Variants in NCL observed in about 807,000 individuals in gnomAD.
NCL encodes the protein nucleolin multifunctional protein.
A neutral mutation model predicts 77.7 loss-of-function variants in NCL; 4 were observed. The ratio of observed to expected loss-of-function variants is 0.05; its 90% CI spans 0.03 to 0.12. The LOEUF (loss-of-function observed/expected upper bound fraction) is 0.12. Ranked by LOEUF, NCL falls within the 10% of genes least tolerant of loss-of-function variation. The pLI is 1.00. For synonymous variants in NCL, 344 were observed against 297.8 expected (o/e 1.16, Z -1.60); for missense variants, 763 against 860.9 (o/e 0.89, Z 1.42).
intron 10 of NCL, 39 bp from the exon 11 acceptor site, chr2:231,456,803 G>A (rs756355688): frequency 6.2e-7 from 1 of 1,610,532 alleles, no homozygotes; most frequent in Admixed American, 1.7e-5. Context: ...AAGTTACCAG[G>A]CACATGCTCC....
chr2:231,458,547 G>A (rs2046914971), intron 7 of NCL, 158 bp from the exon 8 acceptor site: 1 of 918,520 alleles, frequency 1.1e-6, no homozygotes, highest in Non-Finnish European at 1.6e-6. Context: ...ATATAGCAGT[G>A]TCAACACACA....
In NCL at chr2:231,461,875, G is replaced by C; in HGVS notation, c.278C>G (p.Pro93Arg). Residue 93 changes from proline to arginine, a missense_variant, in exon 3 of 14, where the codon CCT becomes CGT. Transcript: ENST00000322723. ...GGCTGGTGTAACTGTCTTCTTGGCAGGTGTTGCTGCTGCCTTTTTGCCTGG... is the reference window on the plus strand; with the variant it reads ...GGCTGGTGTAACTGTCTTCTTGGCACGTGTTGCTGCTGCCTTTTTGCCTGG... The part of the protein sequence containing the change: ...VTPGKKAAAT[P>R]AKKTVTPAKA... 1 of 1,614,196 alleles carries C rather than the reference G, an allele frequency of 6.2e-7. No individual in the cohort carries two copies.
chr2:231,464,094 C>A, intron 1 of NCL: 1 of 1,359,422 alleles, frequency 7.4e-7, no homozygotes, highest in Non-Finnish European at 9.5e-7. Context: ...CGCCCCCTCC[C>A]CGCGCTCAGT....
In NCL at chr2:231,459,144, G is replaced by C. The variant is rs572762953; in HGVS notation, c.1041-19C>G. The C allele has an allele frequency of 6.5e-7, 1 of 1,527,658 alleles. No homozygotes were observed. The highest frequency in any genetic ancestry group is 1.3e-5 in the South Asian group (1 of 77,278). 94.6% of individuals were successfully genotyped at this position (1,527,658 alleles called of 1,614,324 possible). A position where few individuals can be genotyped will look rare whatever the true frequency, so the allele number is the denominator to read the frequency against. ...AAATTTCCTTCAAGGTGGAGAGGAG[G>C]GCAAAATTACAACAGGTGAAAACAC... On this transcript the variant is annotated intron_variant, in intron 6 of 13. Transcript: ENST00000322723.
rs1172072805 is a variant in NCL, at chr2:231,461,573, C to G, written c.580G>C (p.Asp194His). ...TCATCGTCATCGTCATCCTCATCAT[C>G]TTCGTCATCCTCATCGTCCTCATCC... Reference protein sequence around the residue: ...SEDEDDEDDEDDEDDDDDEED... With the variant: ...SEDEDDEDDEHDEDDDDDEED... The change falls in exon 3 of 14, where the codon GAT becomes CAT. Residue 194 changes from aspartate to histidine, a missense_variant. Transcript: ENST00000322723. The G allele has an allele frequency of 6.2e-7, 1 of 1,613,352 alleles. No homozygotes were observed. Among genetic ancestry groups the G allele is most frequent in the South Asian group, 1.1e-5 (1 of 91,068 alleles).
chr2:231,456,400 G>C, intron 11 of NCL: 1 of 950,436 alleles, frequency 1.1e-6, no homozygotes, highest in South Asian at 1.3e-5. Context: ...CCAGTGGATG[G>C]GGCAGGAAAT....
chr2:231,460,149 T>C lies in NCL; in HGVS notation c.1040+3A>G, dbSNP rs1246877071. 1.1e-5 allele frequency: 18 copies of C among 1,611,470 alleles called. No homozygotes were observed. Among genetic ancestry groups the C allele is most frequent in the Non-Finnish European group, 1.4e-5 (17 of 1,179,468 alleles). ...TGTATGTAACGTGCAGTGAAGCACT[T>C]ACCTAGTCATACCAATTCTGACATC... On this transcript the variant is annotated splice_donor_region_variant and intron_variant, in intron 6 of 13. Transcript: ENST00000322723.
Position 231,461,773 on chromosome 2 carries a change from G to A in NCL, c.380C>T (p.Ala127Val), listed in dbSNP as rs1393108666. ...CTTTGCCCCCTTGGCTGGGATGGCA[G>A]CACCCTTCTTACCAGGAGTTGCTAC... is the stretch of plus-strand genomic sequence containing the variant. ...ALVATPGKKG[A>V]AIPAKGAKNG... The change falls in exon 3 of 14, where the codon GCT (alanine) becomes GTT (valine). Residue 127 changes from alanine (A) to valine (V), a missense_variant. Coordinates refer to ENST00000322723, the MANE Select transcript of NCL (RefSeq NM_005381.3). 1.2e-6 allele frequency: 2 copies of A among 1,614,200 alleles called. No individual in the cohort carries two copies. The highest frequency in any genetic ancestry group is 1.7e-6 in the Non-Finnish European group (2 of 1,180,048).
At chr2:231,460,401 G>A (rs1332495607) in intron 5 of NCL, 77 bp downstream of exon 5, 3 of 1,591,206 alleles carry the variant, frequency 1.9e-6, no homozygotes, top group Admixed American at 1.7e-5. Flanking sequence ...GTAACATCAG[G>A]TTTCAGTATT....
intron 7 of NCL, 52 bp from the exon 8 acceptor site, chr2:231,458,441 G>T: frequency 1.1e-5 from 17 of 1,592,296 alleles, no homozygotes; most frequent in Non-Finnish European, 1.5e-5. Context: ...CCAAAGGTGG[G>T]GGGCAACAAC....
chr2:231,459,791 C>T (rs1185803853), intron 6 of NCL, among the ~76,000 whole-genome samples: 1 of 151,772 alleles, frequency 6.6e-6, no homozygotes, highest in East Asian at 1.9e-4. Flanking sequence ...CCCGTAATCC[C>T]AGCTACTTGG....
At position 231,464,447 on chromosome 2, in the gene NCL, G is replaced by T; in HGVS notation, c.-94C>A. 6.7e-7 allele frequency: 1 copy of T among 1,499,666 alleles called. No individual in the cohort carries two copies. The highest frequency in any genetic ancestry group is 1.9e-5 in the Admixed American group (1 of 51,400). The allele number at this position is 1,499,666 out of a possible 1,614,324, so 92.9% of individuals were successfully genotyped here. A position where few individuals can be genotyped will look rare whatever the true frequency, so the allele number is the denominator to read the frequency against. ...GCGGCCGCGGGTGCTGAAGATCCCG[G>T]AGCACGTACACCCGAAGGCCAGCGA... On this transcript the variant is annotated 5_prime_UTR_variant, in exon 1 of 14. Transcript: ENST00000322723.
chr2:231,461,606 C>T lies in NCL; in HGVS notation c.547G>A (p.Ala183Thr), dbSNP rs2046952020. The T allele has an allele frequency of 1.2e-6, 2 of 1,604,168 alleles. No individual in the cohort carries two copies. The highest frequency in any genetic ancestry group is 3.3e-5 in the Admixed American group (2 of 59,984). Residue 183 changes from alanine to threonine, a missense_variant, in exon 3 of 14, where the codon GCC (alanine) becomes ACC (threonine). This residue lies in a region of NCL where 590 missense variants were observed against 570.5 expected (regional missense o/e 1.03). Coordinates refer to ENST00000322723, the MANE Select transcript of NCL (RefSeq NM_005381.3). The stretch of plus-strand genomic sequence containing the variant: ...TCCTCATCGTCCTCATCCTCTGAGG[C>T]AGGGGCAGCAGCTGCTGCTTTCATC... ...AAMKAAAAAPASEDEDDEDDE... is the reference protein window; with the variant it reads ...AAMKAAAAAPTSEDEDDEDDE...
At chr2:231,464,146 CAGA>C in intron 1 of NCL, 187 bp downstream of exon 1, 2 of 1,404,800 alleles carry the variant, frequency 1.4e-6, no homozygotes, top group Non-Finnish European at 1.9e-6. Flanking sequence ...CCAGCACCTG[CAGA>C]AGCTCTTCAC....
chr2:231,456,511 GTCA>G (rs1252688632), intron 11 of NCL, 117 bp downstream of exon 11: 1 of 1,424,380 alleles, frequency 7.0e-7, no homozygotes, highest in Non-Finnish European at 9.9e-7. Flanking sequence ...CAGGTAATCA[GTCA>G]TCATATCCAG....
intron 6 of NCL, among the ~76,000 whole-genome samples, chr2:231,459,629 T>C (rs954133753): frequency 2.6e-5 from 4 of 151,488 alleles, no homozygotes; most frequent in Admixed American, 6.6e-5. Flanking sequence ...TAAAACTTAC[T>C]GGCAGGGTGG....
In NCL at chr2:231,464,377, A is replaced by C. The variant is rs759940907; in HGVS notation, c.-24T>G. 2.5e-6 allele frequency: 4 copies of C among 1,599,732 alleles called. No individual in the cohort carries two copies. The highest frequency in any genetic ancestry group is 1.3e-5 in the African/African-American group (1 of 74,582). The stretch of plus-strand genomic sequence containing the variant: ...ATGATGGCGGCGGAGTGTGAAGCGG[A>C]CAAGTGGCGCAGATGAGTCCAGAAG... On this transcript the variant is annotated 5_prime_UTR_variant, in exon 1 of 14. Coordinates refer to ENST00000322723, the MANE Select transcript of NCL (RefSeq NM_005381.3).
chr2:231,463,481 G>A (rs1227293146), intron 1 of NCL, 165 bp from the exon 2 acceptor site: 9 of 664,942 alleles, frequency 1.4e-5, no homozygotes, highest in Admixed American at 8.2e-5. Context: ...CAATGCAAGA[G>A]GGACTACTCT....
chr2:231,464,037 G>C, intron 1 of NCL: 1 of 1,085,382 alleles, frequency 9.2e-7, no homozygotes, highest in East Asian at 4.0e-5. Flanking sequence ...GTCCCAGCTC[G>C]TACGCGTCGC....
Sources: allele counts gnomAD v4.1 joint callset (sites outside exome capture counted in the v4.1 genomes callset), GRCh38; gene constraint gnomAD v4.1.1; regional missense constraint gnomAD v4.1.1; transcripts MANE v1.5; gene names NCBI Gene and HGNC (gene_info 2026-07-23, HGNC 2026-07-21).